TNS3: variants seen among roughly 807,000 people sequenced by gnomAD.
The protein encoded by TNS3 is tensin-3.
In TNS3, 45 loss-of-function variants were observed where a neutral mutation model predicts 140.9. That is an observed-to-expected ratio of 0.32 (90% CI 0.25 to 0.41). The LOEUF is 0.41. Ranked by LOEUF, TNS3 falls within the 10% of genes least tolerant of loss-of-function variation. TNS3 has a pLI of 1.00. For missense variants in TNS3, 1,716 were observed against 1,906.7 expected, an observed-to-expected ratio of 0.90 and a Z score of 1.86; for synonymous variants, 815 against 788.4, an observed-to-expected ratio of 1.03 and a Z score of -0.56.
intron 28 of TNS3, among the ~76,000 whole-genome samples, chr7:47,282,080 C>T (rs1785174612): frequency 6.6e-6 from 1 of 151,884 alleles, no homozygotes; most frequent in South Asian, 2.1e-4. Context: ...CACCATGTAG[C>T]TCCGCTATGC....
intron 1 of TNS3, among the ~76,000 whole-genome samples, chr7:47,530,838 A>AAAAAT: frequency 2.4e-4 from 13 of 54,558 alleles, no homozygotes; most frequent in African/African-American, 7.1e-4. Context: ...AAAAAAAAAA[A>AAAAAT]ATATATATAT....
At chr7:47,287,627 A>G (rs1785488111) in intron 27 of TNS3, among the ~76,000 whole-genome samples, 1 of 152,224 alleles carries the variant, frequency 6.6e-6, no homozygotes, top group South Asian at 2.1e-4. Context: ...CTCCAGGTGA[A>G]GACGACACTA....
At chr7:47,442,177 A>G (rs909504267) in intron 4 of TNS3, 122 bp from the exon 5 acceptor site, 5 of 542,450 alleles carry the variant, frequency 9.2e-6, no homozygotes, top group African/African-American at 2.0e-5. Flanking sequence ...CAGCAAGTCA[A>G]TCGTAACTAC....
intron 16 of TNS3, among the ~76,000 whole-genome samples, chr7:47,371,158 G>T (rs1791052325): frequency 6.6e-6 from 1 of 152,156 alleles, no homozygotes; most frequent in Non-Finnish European, 1.5e-5. Flanking sequence ...TCTGGGAGTA[G>T]AAATGCTACA....
intron 2 of TNS3, among the ~76,000 whole-genome samples, chr7:47,521,407 C>A (rs1798974324): frequency 6.6e-6 from 1 of 152,250 alleles, no homozygotes; most frequent in Non-Finnish European, 1.5e-5. Flanking sequence ...AGGGTTCACC[C>A]TGCAAGACAA....
At chr7:47,544,069 G>C (rs1799860154) in intron 1 of TNS3, among the ~76,000 whole-genome samples, 1 of 152,166 alleles carries the variant, frequency 6.6e-6, no homozygotes, top group Admixed American at 6.5e-5. Flanking sequence ...TCAAAACAGA[G>C]CTGTTTCATT....
At chr7:47,476,422 G>A (rs1023465769) in intron 4 of TNS3, among the ~76,000 whole-genome samples, 10 of 152,170 alleles carry the variant, frequency 6.6e-5, no homozygotes, top group African/African-American at 2.2e-4. Context: ...TAAGGAGCCC[G>A]GCCACCTCTC....
chr7:47,507,206 C>T (rs565867197), intron 2 of TNS3, among the ~76,000 whole-genome samples: 1 of 152,260 alleles, frequency 6.6e-6, no homozygotes, highest in East Asian at 1.9e-4. Context: ...GTCTTGGGAG[C>T]ACGGTCATGA....
chr7:47,578,667 C>T (rs531659985), intron 1 of TNS3, among the ~76,000 whole-genome samples: 62 of 152,272 alleles, frequency 4.1e-4, no homozygotes, highest in Non-Finnish European at 5.9e-4. Flanking sequence ...ACCCGAGGGA[C>T]CCTGAGCTCA....
chr7:47,368,761 C>T lies in TNS3; in HGVS notation c.1885G>A (p.Val629Met), dbSNP rs767166331. 3 of 1,590,280 alleles carry T rather than the reference C, an allele frequency of 1.9e-6. No homozygotes were observed. In the African/African-American group the frequency reaches 4.0e-5, roughly 21 times the overall value. Reference protein sequence around the residue: ...NPGLVQAQPRVPLTPTRGTSS... With the variant: ...NPGLVQAQPRMPLTPTRGTSS... ...GTCCCTCGGGTGGGGGTGAGTGGCA[C>T]TCTGGGCTGGGCCTGGACGAGGCCA... The change falls in exon 17 of 31, where the codon GTG becomes ATG. Residue 629 changes from valine to methionine, a missense_variant. Transcript: ENST00000311160.
chr7:47,509,521 G>A (rs890789597), intron 2 of TNS3, among the ~76,000 whole-genome samples: 7 of 152,084 alleles, frequency 4.6e-5, no homozygotes, highest in Admixed American at 4.6e-4. Context: ...AACTGTAAGG[G>A]TGACTCAGCC....
In TNS3 at chr7:47,275,676, C is replaced by T; in HGVS notation, c.*2400G>A. On this transcript the variant is annotated 3_prime_UTR_variant, in exon 31 of 31. Coordinates refer to ENST00000311160, the MANE Select transcript of TNS3 (RefSeq NM_022748.12). Reference sequence around the variant, plus strand: ...AAAAGGAAGAAAGAAACTTCCTATACCAGCTCTTCAGAAATCGTGGAAACT... The same window carrying T: ...AAAAGGAAGAAAGAAACTTCCTATATCAGCTCTTCAGAAATCGTGGAAACT... 1 of 410,726 alleles carries T rather than the reference C, an allele frequency of 2.4e-6. No homozygotes were observed. Among genetic ancestry groups the T allele is most frequent in the South Asian group, 1.8e-5 (1 of 56,656 alleles). The allele number at this position is 410,726 out of a possible 1,614,324, so 25.4% of individuals were successfully genotyped here. A position where few individuals can be genotyped will look rare whatever the true frequency, so the allele number is the denominator to read the frequency against.
intron 3 of TNS3, 32 bp from the exon 4 acceptor site, chr7:47,481,173 T>C: frequency 7.8e-7 from 1 of 1,288,778 alleles, no homozygotes; most frequent in Non-Finnish European, 1.0e-6. Flanking sequence ...GATAAGCAAA[T>C]GGATTCTCCA....
chr7:47,559,997 C>G (rs974591721), intron 1 of TNS3, among the ~76,000 whole-genome samples: 1 of 152,186 alleles, frequency 6.6e-6, no homozygotes, highest in Non-Finnish European at 1.5e-5. Flanking sequence ...GAAGCTGGGT[C>G]TACACCACCT....
At chr7:47,330,167 C>T (rs939335511) in intron 20 of TNS3, among the ~76,000 whole-genome samples, 2 of 152,184 alleles carry the variant, frequency 1.3e-5, no homozygotes, top group Admixed American at 1.3e-4. Context: ...AGGACCTGGA[C>T]TGTCCACATG....
intron 1 of TNS3, among the ~76,000 whole-genome samples, chr7:47,578,307 CAAAAAAATAAAAAT>C (rs1800722802): frequency 6.6e-6 from 1 of 151,806 alleles, no homozygotes; most frequent in South Asian, 2.1e-4. Flanking sequence ...GACTCCATCT[CAAAAAAATAAAAAT>C]AAAAAAATAA....
At chr7:47,499,526 G>C (rs1798132212) in intron 3 of TNS3, among the ~76,000 whole-genome samples, 1 of 152,164 alleles carries the variant, frequency 6.6e-6, no homozygotes, top group African/African-American at 2.4e-5. Context: ...ATGACAGAGT[G>C]TTATTCAGCT....
chr7:47,497,702 A>ACACAC (rs1798065711), intron 3 of TNS3, among the ~76,000 whole-genome samples: 2 of 35,716 alleles, frequency 5.6e-5, no homozygotes, highest in Non-Finnish European at 1.7e-4. Flanking sequence ...CACACAGAGC[A>ACACAC]GGAAATGTTC....
At chr7:47,581,349 G>A (rs1248908410) in intron 1 of TNS3, 1 of 112,584 alleles carries the variant, frequency 8.9e-6, no homozygotes, top group Non-Finnish European at 1.8e-5. Context: ...CCCACCCCGA[G>A]GTCCCGTCCT....
Sources: allele counts gnomAD v4.1 joint callset (sites outside exome capture counted in the v4.1 genomes callset), GRCh38; gene constraint gnomAD v4.1.1; transcripts MANE v1.5; gene names NCBI Gene and HGNC (gene_info 2026-07-23, HGNC 2026-07-21).